ISLR: variants seen among roughly 807,000 people sequenced by gnomAD.
ISLR encodes immunoglobulin superfamily containing leucine-rich repeat protein.
A neutral mutation model predicts 11.0 loss-of-function variants in ISLR; 9 were observed. That is an observed-to-expected ratio of 0.82 (90% CI 0.49 to 1.43). The LOEUF is 1.43. Ranked by LOEUF, ISLR falls within the 40% of genes most tolerant of loss-of-function variation. The probability of loss-of-function intolerance (pLI) is 0.00; values close to 1 mark genes in which losing one functional copy is unlikely to be tolerated. For missense variants in ISLR, 510 were observed against 576.4 expected, an observed-to-expected ratio of 0.88 and a Z score of 1.18; for synonymous variants, 262 against 264.1, an observed-to-expected ratio of 0.99 and a Z score of 0.08.
chr15:74,174,678 C>T, intron 1 of ISLR, 173 bp from the exon 2 acceptor site: 1 of 527,424 alleles, frequency 1.9e-6, no homozygotes, highest in Non-Finnish European at 3.3e-6. Flanking sequence ...TTCTCTTGGC[C>T]TCAGTTTCTC....
At position 74,176,061 on chromosome 15, in the gene ISLR, A is replaced by C; in HGVS notation, c.1203A>C (p.Ala401=). ...CTGGGAACCCTGAGGCTGCAGTCGC[A>C]GAAGGGGTCCCTGGGCAGCTGCCCC... ...SRAGNPEAAV[A]EGVPGQLPPG... Residue 401 remains alanine, a synonymous_variant, in exon 2 of 2, where the codon GCA becomes GCC. Coordinates refer to ENST00000249842, the MANE Select transcript of ISLR (RefSeq NM_005545.4). The C allele has an allele frequency of 6.2e-7, 1 of 1,610,930 alleles. No individual in the cohort carries two copies. The highest frequency in any genetic ancestry group is 8.5e-7 in the Non-Finnish European group (1 of 1,178,094).
In ISLR at chr15:74,175,020, A is replaced by C; in HGVS notation, c.162A>C (p.Thr54=). 6.2e-7 allele frequency: 1 copy of C among 1,612,288 alleles called. No individual in the cohort carries two copies. The highest frequency in any genetic ancestry group is 8.5e-7 in the Non-Finnish European group (1 of 1,179,420). Residue 54 remains threonine, a synonymous_variant, in exon 2 of 2, where the codon ACA becomes ACC. Coordinates refer to ENST00000249842, the MANE Select transcript of ISLR (RefSeq NM_005545.4). The surrounding 1 kb of genome is among the most constrained non-coding windows in gnomAD (Gnocchi z 4.7). ...CTGGCTTCCCGGCCAATGTGACTAC[A>C]CTGAGCCTGTCAGCCAACCGGCTGC... The part of the protein sequence containing the change: ...VPPGFPANVT[T]LSLSANRLPG...
chr15:74,175,194 C>G lies in ISLR; in HGVS notation c.336C>G (p.Asp112Glu). Reference protein sequence around the residue: ...SLDLSHNLISDFAWSDLHNLS... With the variant: ...SLDLSHNLISEFAWSDLHNLS... Reference sequence around the variant, plus strand: ...ACCTCAGCCACAATCTCATCTCTGACTTTGCCTGGAGCGACCTGCACAACC... The same window carrying G: ...ACCTCAGCCACAATCTCATCTCTGAGTTTGCCTGGAGCGACCTGCACAACC... Residue 112 changes from aspartate to glutamate, a missense_variant, in exon 2 of 2, where the codon GAC (aspartate) becomes GAG (glutamate). Physicochemically the swap from Asp to Glu is conservative, Grantham distance 45. Transcript: ENST00000249842. This position sits in a 1 kb window ranked among gnomAD's most constrained non-coding sequence, Gnocchi z 4.7. 1 of 1,613,410 alleles carries G rather than the reference C, an allele frequency of 6.2e-7. No homozygotes were observed. Among genetic ancestry groups the G allele is most frequent in the Non-Finnish European group, 8.5e-7 (1 of 1,180,006 alleles).
chr15:74,176,508 T>C lies in ISLR; in HGVS notation c.*363T>C, dbSNP rs748523203. 8 of 257,408 alleles carry C rather than the reference T, an allele frequency of 3.1e-5. No individual in the cohort carries two copies. The highest frequency in any genetic ancestry group is 5.6e-5 in the Non-Finnish European group (7 of 125,914). 15.9% of individuals were successfully genotyped at this position (257,408 alleles called of 1,614,324 possible). A position where few individuals can be genotyped will look rare whatever the true frequency, so the allele number is the denominator to read the frequency against. Reference sequence around the variant, plus strand: ...ACTGTCAAGCTGGCAAGGGCCAGGATTGGGGGAATGGAGCTGGGGCTTAGC... The same window carrying C: ...ACTGTCAAGCTGGCAAGGGCCAGGACTGGGGGAATGGAGCTGGGGCTTAGC... On this transcript the variant is annotated 3_prime_UTR_variant, in exon 2 of 2. Transcript: ENST00000249842.
Position 74,175,424 on chromosome 15 carries a change from T to C in ISLR, c.566T>C (p.Val189Ala). 6.2e-7 allele frequency: 1 copy of C among 1,612,198 alleles called. No homozygotes were observed. The highest frequency in any genetic ancestry group is 1.1e-5 in the South Asian group (1 of 91,076). ...ENPFDCTCGI[V>A]WLKTWALTTA... ...CCCTTCGACTGCACCTGCGGCATCGTGTGGCTCAAGACATGGGCCCTGACC... is the reference window on the plus strand; with the variant it reads ...CCCTTCGACTGCACCTGCGGCATCGCGTGGCTCAAGACATGGGCCCTGACC... Residue 189 changes from valine to alanine, a missense_variant, in exon 2 of 2, where the codon GTG (valine) becomes GCG (alanine). By Grantham distance (64) the Val-to-Ala change is moderately conservative. Coordinates refer to ENST00000249842, the MANE Select transcript of ISLR (RefSeq NM_005545.4). The surrounding 1 kb of genome is among the most constrained non-coding windows in gnomAD (Gnocchi z 4.7).
rs1595813748 is a variant in ISLR, at chr15:74,173,822, G to C, written c.-206G>C. ...CCCTGCCGCCTCCTCTCAGTGGATG[G>C]TTCCAGGCACCCTGTCTGGGGCAGG... is the stretch of plus-strand genomic sequence containing the variant. On this transcript the variant is annotated 5_prime_UTR_variant, in exon 1 of 2. Transcript: ENST00000249842. 1 of 154,424 alleles carries C rather than the reference G, an allele frequency of 6.5e-6. No homozygotes were observed. Among genetic ancestry groups the C allele is most frequent in the Non-Finnish European group, 1.5e-5 (1 of 68,238 alleles). 9.6% of individuals were successfully genotyped at this position (154,424 alleles called of 1,614,324 possible).
rs2072784394 is a variant in ISLR at position 74,175,536 on chromosome 15, A to T, written c.678A>T (p.Pro226=). 6.2e-7 allele frequency: 1 copy of T among 1,611,210 alleles called. No homozygotes were observed. The highest frequency in any genetic ancestry group is 1.7e-5 in the Admixed American group (1 of 59,960). ...LKGTPLSRLP[P]LPCSAPSVQL... is the part of the protein sequence containing the mutation. ...GTACGCCGCTGAGCCGCCTGCCGCC[A>T]CTGCCATGCTCGGCGCCCTCAGTGC... is the stretch of plus-strand genomic sequence containing the variant. The change falls in exon 2 of 2, where the codon CCA becomes CCT. Residue 226 remains proline (P), a synonymous_variant. Transcript: ENST00000249842. The surrounding 1 kb of genome is among the most constrained non-coding windows in gnomAD (Gnocchi z 4.7).
rs2072795420 is a variant in ISLR, at chr15:74,176,295, TA to T, written c.*151del. 1 of 607,968 alleles carries T rather than the reference TA, an allele frequency of 1.6e-6. No homozygotes were observed. Among genetic ancestry groups the T allele is most frequent in the Non-Finnish European group, 2.9e-6 (1 of 349,484 alleles). The allele number at this position is 607,968 out of a possible 1,614,324, so 37.7% of individuals were successfully genotyped here. Reference sequence around the variant, plus strand: ...TTCTAATCTCTTCTAGAGCACCTGCTATCCCCAACTTCTAGACCTGCTCCAA... The same window carrying T: ...TTCTAATCTCTTCTAGAGCACCTGCTTCCCCAACTTCTAGACCTGCTCCAA... On this transcript the variant is annotated 3_prime_UTR_variant, in exon 2 of 2. Coordinates refer to ENST00000249842, the MANE Select transcript of ISLR (RefSeq NM_005545.4).
intron 1 of ISLR, 130 bp from the exon 2 acceptor site, chr15:74,174,721 T>G (rs1595814071): frequency 1.6e-6 from 1 of 628,892 alleles, no homozygotes. Flanking sequence ...GGCTAGGTGG[T>G]GTTGGGATTT....
At chr15:74,174,723 T>C (rs1213778406) in intron 1 of ISLR, 128 bp from the exon 2 acceptor site, 7 of 656,056 alleles carry the variant, frequency 1.1e-5, no homozygotes, top group South Asian at 5.1e-5. Context: ...CTAGGTGGTG[T>C]TGGGATTTAG....
rs199556849 is a variant in ISLR at position 74,175,601 on chromosome 15, G to A, written c.743G>A (p.Arg248Gln). 102 of 1,613,796 alleles carry A rather than the reference G, an allele frequency of 6.3e-5. No homozygotes were observed. In the African/African-American group the frequency reaches 7.6e-4, roughly 12 times the overall value. Reference sequence around the variant, plus strand: ...CCCAGCCAGGATGGTGCCGAGCTGCGGCCTGGTTTTGTGCTGGCACTGCAC... The same window carrying A: ...CCCAGCCAGGATGGTGCCGAGCTGCAGCCTGGTTTTGTGCTGGCACTGCAC... ...YQPSQDGAEL[R>Q]PGFVLALHCD... Residue 248 changes from arginine (R) to glutamine (Q), a missense_variant, in exon 2 of 2, where the codon CGG (arginine) becomes CAG (glutamine). Physicochemically the swap from Arg to Gln is conservative, Grantham distance 43 (BLOSUM62 1). Transcript: ENST00000249842. The surrounding 1 kb of genome is among the most constrained non-coding windows in gnomAD (Gnocchi z 4.7).
Position 74,175,399 on chromosome 15 carries a change from C to T in ISLR, c.541C>T (p.Pro181Ser). 1 of 1,612,090 alleles carries T rather than the reference C, an allele frequency of 6.2e-7. No individual in the cohort carries two copies. Among genetic ancestry groups the T allele is most frequent in the Non-Finnish European group, 8.5e-7 (1 of 1,179,966 alleles). Reference sequence around the variant, plus strand: ...GTCCCACCTGCAGATCAACGAGAACCCCTTCGACTGCACCTGCGGCATCGT... The same window carrying T: ...GTCCCACCTGCAGATCAACGAGAACTCCTTCGACTGCACCTGCGGCATCGT... ...ALSHLQINEN[P>S]FDCTCGIVWL... The change falls in exon 2 of 2, where the codon CCC (proline) becomes TCC (serine). Residue 181 changes from proline to serine, a missense_variant. Transcript: ENST00000249842. This position sits in a 1 kb window ranked among gnomAD's most constrained non-coding sequence, Gnocchi z 4.7.
chr15:74,174,288 A>T (rs2072767203), intron 1 of ISLR: 1 of 152,320 alleles, frequency 6.6e-6, no homozygotes, highest in African/African-American at 2.4e-5. Flanking sequence ...TGCCTGGCTA[A>T]GTTTGAACAG....
rs2072800868 is a variant in ISLR, at chr15:74,176,837, G to C, written c.*692G>C. ...TCCTCTGCAAAGGCCAGCCAGCTTG[G>C]GAGCAGCAGAGAAATAAACAGCATT... On this transcript the variant is annotated 3_prime_UTR_variant, in exon 2 of 2. Transcript: ENST00000249842. 1 of 167,152 alleles carries C rather than the reference G, an allele frequency of 6.0e-6. No individual in the cohort carries two copies. The highest frequency in any genetic ancestry group is 2.1e-4 in the South Asian group (1 of 4,826). The allele number at this position is 167,152 out of a possible 1,614,324, so 10.4% of individuals were successfully genotyped here.
Position 74,175,110 on chromosome 15 carries a change from T to C in ISLR, c.252T>C (p.Asn84=), listed in dbSNP as rs1454933866. ...PLLQSLWLAH[N]EIRTVAAGAL... is the part of the protein sequence containing the mutation. ...TGCAGTCGCTGTGGCTGGCACACAA[T>C]GAGATCCGCACGGTGGCCGCCGGAG... Residue 84 remains asparagine, a synonymous_variant, in exon 2 of 2, where the codon AAT becomes AAC. Transcript: ENST00000249842. This position sits in a 1 kb window ranked among gnomAD's most constrained non-coding sequence, Gnocchi z 4.7. 1 of 1,610,530 alleles carries C rather than the reference T, an allele frequency of 6.2e-7. No individual in the cohort carries two copies. Among genetic ancestry groups the C allele is most frequent in the Non-Finnish European group, 8.5e-7 (1 of 1,179,390 alleles).
At chr15:74,174,652 G>C in intron 1 of ISLR, 199 bp from the exon 2 acceptor site, 1 of 482,908 alleles carries the variant, frequency 2.1e-6, no homozygotes, top group Non-Finnish European at 3.6e-6. Context: ...GCGTGACCTC[G>C]GGCAAGTCTC....
At position 74,175,484 on chromosome 15, in the gene ISLR, C is replaced by A; in HGVS notation, c.626C>A (p.Ala209Asp). The change falls in exon 2 of 2, where the codon GCC (alanine) becomes GAC (aspartate). Residue 209 changes from alanine to aspartate, a missense_variant. Ala to Asp is a moderately radical substitution (Grantham distance 126). Transcript: ENST00000249842. The surrounding 1 kb of genome is among the most constrained non-coding windows in gnomAD (Gnocchi z 4.7). ...AVSIPEQDNI[A>D]CTSPHVLKGT... ...TCCATCCCGGAGCAGGACAACATCGCCTGCACCTCACCCCATGTGCTCAAG... is the reference window on the plus strand; with the variant it reads ...TCCATCCCGGAGCAGGACAACATCGACTGCACCTCACCCCATGTGCTCAAG... 1 of 1,610,594 alleles carries A rather than the reference C, an allele frequency of 6.2e-7. No homozygotes were observed.
At position 74,174,914 on chromosome 15, in the gene ISLR, G is replaced by C; in HGVS notation, c.56G>C (p.Cys19Ser). The stretch of plus-strand genomic sequence containing the variant: ...CTTCTCCTGGGCCTGGCTCAGGCCT[G>C]CCCTGAGCCCTGCGACTGTGGGGAA... Reference protein sequence around the residue: ...WALLLGLAQACPEPCDCGEKY... With the variant: ...WALLLGLAQASPEPCDCGEKY... Residue 19 changes from cysteine to serine, a missense_variant, in exon 2 of 2, where the codon TGC (cysteine) becomes TCC (serine). Cys to Ser is a moderately radical substitution (Grantham distance 112, BLOSUM62 -1). Coordinates refer to ENST00000249842, the MANE Select transcript of ISLR (RefSeq NM_005545.4). 1 of 1,591,974 alleles carries C rather than the reference G, an allele frequency of 6.3e-7. No individual in the cohort carries two copies. The highest frequency in any genetic ancestry group is 8.5e-7 in the Non-Finnish European group (1 of 1,170,676).
rs988972178 is a variant in ISLR, at chr15:74,174,960, C to T, written c.102C>T (p.Ala34=). The T allele has an allele frequency of 3.1e-6, 5 of 1,612,458 alleles. No individual in the cohort carries two copies. The highest frequency in any genetic ancestry group is 1.3e-5 in the African/African-American group (1 of 74,842). Residue 34 remains alanine (A), a synonymous_variant, in exon 2 of 2, where the codon GCC becomes GCT. Coordinates refer to ENST00000249842, the MANE Select transcript of ISLR (RefSeq NM_005545.4). Reference sequence around the variant, plus strand: ...GGGAAAAGTATGGCTTCCAGATCGCCGACTGTGCCTACCGCGACCTAGAAT... The same window carrying T: ...GGGAAAAGTATGGCTTCCAGATCGCTGACTGTGCCTACCGCGACCTAGAAT... The part of the protein sequence containing the change: ...DCGEKYGFQI[A]DCAYRDLESV...
Sources: gnomAD v4.1 joint callset for allele counts on GRCh38, gnomAD v4.1.1 for gene constraint, Gnocchi (gnomAD v3.1) non-coding constraint, MANE v1.5 for transcripts, NCBI Gene and HGNC (gene_info 2026-07-23, HGNC 2026-07-21) for gene names.